The following MYO3B variants were observed in gnomAD, a reference collection of about 807,000 sequenced individuals.
MYO3B encodes the protein myosin IIIB.
MYO3B carries 156 observed loss-of-function variants against 174.6 expected under a neutral mutation model. The ratio of observed to expected loss-of-function variants is 0.89; its 90% CI spans 0.78 to 1.02. The LOEUF is 1.02. MYO3B is among the 50% of genes least tolerant of loss of function. The pLI is 0.00. For synonymous variants in MYO3B, 563 were observed against 569.1 expected, an observed-to-expected ratio of 0.99 and a Z score of 0.15; for missense variants, 1,632 against 1,639.4, an observed-to-expected ratio of 1.00 and a Z score of 0.08.
intron 25 of MYO3B, among the ~76,000 whole-genome samples, chr2:170,489,235 T>G (rs1686274301): frequency 6.6e-6 from 1 of 152,206 alleles, no homozygotes; most frequent in Admixed American, 6.5e-5. Flanking sequence ...TATCAATGAT[T>G]TTAAGTTCCC....
rs2094476830 is a variant in MYO3B at position 170,401,662 on chromosome 2, T to C, written c.2100T>C (p.Asn700=). 6.2e-7 allele frequency: 1 copy of C among 1,613,960 alleles called. No homozygotes were observed. The highest frequency in any genetic ancestry group is 1.3e-5 in the African/African-American group (1 of 75,004). The change falls in exon 18 of 35, where the codon AAT becomes AAC. Residue 700 remains asparagine, a synonymous_variant. Transcript: ENST00000408978. ...RLFSWIVNRI[N]TLLQPDENIC... ...TCAGCTGGATTGTGAATCGCATTAA[T>C]ACACTCCTGCAGCCAGACGAAAACA...
rs372050798 is a variant in MYO3B, at chr2:170,519,459, G to A, written c.3494G>A (p.Arg1165His). ...DHKVLRGSVH[R>H]RSHSQAESNN... Reference sequence around the variant, plus strand: ...TCAGTTCTCAGGGGCTCTGTACATCGTAGGAGCCATTCACAAGCAGAATCC... The same window carrying A: ...TCAGTTCTCAGGGGCTCTGTACATCATAGGAGCCATTCACAAGCAGAATCC... Residue 1165 changes from arginine (R) to histidine (H), a missense_variant, in exon 30 of 35, where the codon CGT becomes CAT. Arg to His is a conservative substitution (Grantham distance 29, BLOSUM62 0). Coordinates refer to ENST00000408978, the MANE Select transcript of MYO3B (RefSeq NM_138995.5). The A allele has an allele frequency of 4.2e-5, 67 of 1,613,596 alleles. 1 individual carries two copies. In the African/African-American group the frequency reaches 6.7e-4, roughly 16 times the overall value.
At chr2:170,376,948 T>G (rs1206077591) in intron 9 of MYO3B, among the ~76,000 whole-genome samples, 1 of 152,244 alleles carries the variant, frequency 6.6e-6, no homozygotes, top group East Asian at 1.9e-4. Flanking sequence ...TTACTTGTTC[T>G]TCATCATAGT....
chr2:170,504,403 G>A (rs1448294375), intron 28 of MYO3B, among the ~76,000 whole-genome samples: 1 of 152,152 alleles, frequency 6.6e-6, no homozygotes, highest in African/African-American at 2.4e-5. Context: ...CTACAGGGCA[G>A]CACATATTGA....
At chr2:170,242,255 C>CA (rs985795905) in intron 7 of MYO3B, among the ~76,000 whole-genome samples, 12 of 150,610 alleles carry the variant, frequency 8.0e-5, no homozygotes, top group Non-Finnish European at 1.2e-4. Context: ...TGCCTAATAG[C>CA]AAAAAAAAAG....
chr2:170,591,583 C>CTT (rs5836291), intron 32 of MYO3B, among the ~76,000 whole-genome samples: 19 of 150,380 alleles, frequency 1.3e-4, no homozygotes, highest in African/African-American at 3.9e-4. Context: ...AGGACAAAGA[C>CTT]TTTTTTTTTT....
intron 1 of MYO3B, among the ~76,000 whole-genome samples, chr2:170,191,713 G>A (rs2092542883): frequency 6.6e-6 from 1 of 152,180 alleles, no homozygotes; most frequent in Non-Finnish European, 1.5e-5. Context: ...ATTGGGGGAA[G>A]GGTGGCATCA....
intron 23 of MYO3B, among the ~76,000 whole-genome samples, chr2:170,462,011 G>A (rs1684322327): frequency 6.6e-6 from 1 of 152,160 alleles, no homozygotes; most frequent in African/African-American, 2.4e-5. Context: ...GGTGAGAAAG[G>A]GAAAGAAACC....
intron 32 of MYO3B, chr2:170,644,770 G>A (rs1698238569): frequency 6.6e-6 from 1 of 152,264 alleles, no homozygotes; most frequent in Non-Finnish European, 1.5e-5. Context: ...TGCAGCCACA[G>A]TGTGACAGTT....
intron 7 of MYO3B, among the ~76,000 whole-genome samples, chr2:170,276,303 G>A (rs772939303): frequency 7.2e-5 from 11 of 152,062 alleles, no homozygotes; most frequent in South Asian, 6.2e-4. Flanking sequence ...CAAATTGGTC[G>A]TCTGTTATTT....
intron 25 of MYO3B, among the ~76,000 whole-genome samples, chr2:170,496,939 T>C (rs1686887848): frequency 6.6e-6 from 1 of 152,062 alleles, no homozygotes; most frequent in Non-Finnish European, 1.5e-5. Context: ...CTCAACAAGT[T>C]ATATTTTTAA....
Position 170,503,429 on chromosome 2 carries a change from TA to T in MYO3B, c.3370+1569del, listed in dbSNP as rs1003151688. On this transcript the variant is annotated intron_variant, in intron 28 of 34. Transcript: ENST00000408978. The stretch of plus-strand genomic sequence containing the variant: ...AGGATAATGTTGCTCAGCGAAACTT[TA>T]AAAAGCATGTTTCTTTAAGGGTGTC... 2.0e-5 allele frequency among the ~76,000 whole-genome samples: 3 copies of T among 150,376 alleles called. No homozygotes were observed. The Admixed American group carries it at 2.0e-4, about 10-fold the overall frequency.
At chr2:170,636,989 T>C (rs1290288163) in intron 32 of MYO3B, among the ~76,000 whole-genome samples, 1 of 150,882 alleles carries the variant, frequency 6.6e-6, no homozygotes, top group Non-Finnish European at 1.5e-5. Context: ...TGTGTGTGTG[T>C]AGGCAATAAT....
At chr2:170,415,976 G>T (rs1315133345) in intron 22 of MYO3B, among the ~76,000 whole-genome samples, 1 of 152,110 alleles carries the variant, frequency 6.6e-6, no homozygotes, top group Non-Finnish European at 1.5e-5. Context: ...CTCAGAATGT[G>T]ACCTTATTTG....
chr2:170,358,780 G>C (rs561223706), intron 8 of MYO3B, among the ~76,000 whole-genome samples: 1 of 152,078 alleles, frequency 6.6e-6, no homozygotes, highest in Non-Finnish European at 1.5e-5. Context: ...GAATAGGGAC[G>C]GCCTTCTCCG....
intron 7 of MYO3B, among the ~76,000 whole-genome samples, chr2:170,322,976 T>A (rs1284834172): frequency 1.3e-5 from 2 of 152,220 alleles, no homozygotes; most frequent in African/African-American, 4.8e-5. Context: ...GTCTAGAATA[T>A]AATGCTAACT....
intron 1 of MYO3B, among the ~76,000 whole-genome samples, chr2:170,179,807 G>A (rs1355490822): frequency 6.6e-6 from 1 of 152,104 alleles, no homozygotes; most frequent in African/African-American, 2.4e-5. Context: ...TTATGTATTG[G>A]TTTGGAATTA....
At chr2:170,563,411 A>G (rs1415187036) in intron 32 of MYO3B, among the ~76,000 whole-genome samples, 1 of 152,162 alleles carries the variant, frequency 6.6e-6, no homozygotes, top group Non-Finnish European at 1.5e-5. Context: ...TCATGAGAAG[A>G]GAGATGACCT....
At chr2:170,576,593 G>A (rs558503961) in intron 32 of MYO3B, among the ~76,000 whole-genome samples, 1 of 152,226 alleles carries the variant, frequency 6.6e-6, no homozygotes, top group Non-Finnish European at 1.5e-5. Flanking sequence ...ATGAGGCTAT[G>A]AGTGATATTA....
Sources: gnomAD v4.1 joint callset for allele counts (sites outside exome capture counted in the v4.1 genomes callset) on GRCh38, gnomAD v4.1.1 for gene constraint, MANE v1.5 for transcripts, NCBI Gene and HGNC (gene_info 2026-07-23, HGNC 2026-07-21) for gene names.